LRRTM4: variants seen among roughly 807,000 people sequenced by gnomAD.
LRRTM4 encodes the protein leucine rich repeat transmembrane neuronal 4, also known as leucine-rich repeat transmembrane neuronal protein 4.
A neutral mutation model predicts 47.6 loss-of-function variants in LRRTM4; 25 were observed. The ratio of observed to expected loss-of-function variants is 0.53; its 90% confidence interval spans 0.38 to 0.73. The LOEUF (loss-of-function observed/expected upper bound fraction) is 0.73. Ranked by LOEUF, LRRTM4 falls within the 30% of genes least tolerant of loss-of-function variation. LRRTM4 has a pLI of 0.00. For synonymous variants in LRRTM4, 311 were observed against 269.5 expected, an observed-to-expected ratio of 1.15 and a Z score of -1.51; for missense variants, 638 against 713.4, an observed-to-expected ratio of 0.89 and a Z score of 1.20.
In LRRTM4 at chr2:77,383,778, T is replaced by C. The variant is rs140417389; in HGVS notation, c.1551+134540A>G. On this transcript the variant is annotated intron_variant, in intron 3 of 3. Coordinates refer to ENST00000409884, the MANE Select transcript of LRRTM4 (RefSeq NM_001134745.3). ...TACAGCTAGGATTCTAGCCCAAACTTTCTGATTCTGGAAGCACTGACCAGC... is the reference window on the plus strand; with the variant it reads ...TACAGCTAGGATTCTAGCCCAAACTCTCTGATTCTGGAAGCACTGACCAGC... 6.8e-3 allele frequency among the ~76,000 whole-genome samples: 1,041 copies of C among 152,112 alleles called. 5 individuals carry two copies. Among genetic ancestry groups the C allele is most frequent in the Middle Eastern group, 0.031 (9 of 292 alleles).
intron 3 of LRRTM4, among the ~76,000 whole-genome samples, chr2:77,320,709 C>T (rs929343344): frequency 6.6e-6 from 1 of 151,502 alleles, no homozygotes; most frequent in African/African-American, 2.4e-5. Flanking sequence ...GGTTATTATA[C>T]CTATATGAGT....
chr2:77,307,024 C>T (rs182942724), intron 3 of LRRTM4, among the ~76,000 whole-genome samples: 27,979 of 150,386 alleles, frequency 0.19, 2,836 homozygotes, highest in East Asian at 0.44. Flanking sequence ...CTCAGCCTCC[C>T]GCGTAGCTGG....
At chr2:76,809,192 A>T (rs999200612) in intron 3 of LRRTM4, among the ~76,000 whole-genome samples, 3 of 152,202 alleles carry the variant, frequency 2.0e-5, no homozygotes, top group African/African-American at 7.2e-5. Context: ...TAACATTAAC[A>T]TCCTTTTATC....
At chr2:77,006,937 A>G (rs1028701294) in intron 3 of LRRTM4, among the ~76,000 whole-genome samples, 3 of 152,134 alleles carry the variant, frequency 2.0e-5, no homozygotes, top group Non-Finnish European at 4.4e-5. Context: ...CATTGACACA[A>G]ACATCCTTTG....
chr2:77,495,132 G>A (rs1678311656), intron 3 of LRRTM4, among the ~76,000 whole-genome samples: 1 of 151,982 alleles, frequency 6.6e-6, no homozygotes, highest in Non-Finnish European at 1.5e-5. Context: ...CTTTGTATGG[G>A]CATATGCTTT....
At chr2:77,021,831 CATG>C (rs1160884) in intron 3 of LRRTM4, among the ~76,000 whole-genome samples, 18,834 of 152,164 alleles carry the variant, frequency 0.12, 1,430 homozygotes, top group Admixed American at 0.2. Context: ...AGGTGCACAA[CATG>C]ATGATTTCAT....
At chr2:76,923,467 T>C (rs79955524) in intron 3 of LRRTM4, among the ~76,000 whole-genome samples, 9,247 of 152,032 alleles carry the variant, frequency 0.061, 641 homozygotes, top group African/African-American at 0.16. Context: ...AGACAGGGTG[T>C]TAATACGCTC....
chr2:77,060,789 A>C (rs1310800541), intron 3 of LRRTM4, among the ~76,000 whole-genome samples: 4 of 152,116 alleles, frequency 2.6e-5, no homozygotes, highest in Admixed American at 1.3e-4. Flanking sequence ...CAAAATGAGG[A>C]AAATATGGTT....
intron 3 of LRRTM4, among the ~76,000 whole-genome samples, chr2:76,884,214 C>G (rs1673008412): frequency 1.3e-5 from 2 of 152,194 alleles, no homozygotes; most frequent in South Asian, 4.1e-4. Flanking sequence ...TCACAAAATC[C>G]TATGAAGGAG....
intron 3 of LRRTM4, among the ~76,000 whole-genome samples, chr2:76,833,775 A>G (rs2103904430): frequency 6.6e-6 from 1 of 151,848 alleles, no homozygotes; most frequent in African/African-American, 2.4e-5. Context: ...TAAATTAGTA[A>G]AACTTAAAAT....
chr2:77,518,003 G>C, intron 3 of LRRTM4: 1 of 1,071,060 alleles, frequency 9.3e-7, no homozygotes, highest in Middle Eastern at 4.2e-4. Context: ...AGAATGAAAA[G>C]AGTTTTGTTT....
intron 3 of LRRTM4, among the ~76,000 whole-genome samples, chr2:76,992,670 A>G (rs1259657075): frequency 6.6e-6 from 1 of 151,796 alleles, no homozygotes; most frequent in Non-Finnish European, 1.5e-5. Flanking sequence ...GGATTGGAAG[A>G]ATCAATATCA....
At chr2:77,391,609 G>A (rs1573352641) in intron 3 of LRRTM4, among the ~76,000 whole-genome samples, 1 of 151,822 alleles carries the variant, frequency 6.6e-6, no homozygotes, top group Non-Finnish European at 1.5e-5. Flanking sequence ...GTACATCCAT[G>A]TTCATGGAAA....
At chr2:77,434,377 C>T (rs150097245) in intron 3 of LRRTM4, among the ~76,000 whole-genome samples, 21 of 151,866 alleles carry the variant, frequency 1.4e-4, no homozygotes, top group Admixed American at 4.6e-4. Flanking sequence ...CTTTCATGGG[C>T]CTTGATGTGA....
intron 3 of LRRTM4, among the ~76,000 whole-genome samples, chr2:77,037,634 G>T (rs902320566): frequency 4.4e-4 from 67 of 151,800 alleles, no homozygotes; most frequent in African/African-American, 1.6e-3. Flanking sequence ...CATTAAAAAT[G>T]TAGACTCTAA....
At chr2:77,130,824 ATTTTTTT>A (rs768577274) in intron 3 of LRRTM4, among the ~76,000 whole-genome samples, 12 of 35,630 alleles carry the variant, frequency 3.4e-4, no homozygotes, top group Non-Finnish European at 5.7e-4. Flanking sequence ...TATTTGTTCT[ATTTTTTT>A]TTTTTTTTTT....
At chr2:76,837,958 G>C (rs1405211887) in intron 3 of LRRTM4, among the ~76,000 whole-genome samples, 8 of 151,484 alleles carry the variant, frequency 5.3e-5, no homozygotes, top group African/African-American at 1.5e-4. Context: ...AGGGGGGAGG[G>C]ATAGCATTAG....
At chr2:77,088,798 A>T (rs1680819340) in intron 3 of LRRTM4, among the ~76,000 whole-genome samples, 1 of 152,084 alleles carries the variant, frequency 6.6e-6, no homozygotes, top group Non-Finnish European at 1.5e-5. Flanking sequence ...CCAGCCCAAG[A>T]AACATCTCAC....
chr2:77,090,895 C>G (rs1029906688), intron 3 of LRRTM4, among the ~76,000 whole-genome samples: 3 of 152,126 alleles, frequency 2.0e-5, no homozygotes, highest in Non-Finnish European at 4.4e-5. Context: ...GGACGCCGAG[C>G]TTCAGGTAAC....
Sources: allele counts gnomAD v4.1 joint callset (sites outside exome capture counted in the v4.1 genomes callset), GRCh38; gene constraint gnomAD v4.1.1; transcripts MANE v1.5; gene names NCBI Gene and HGNC (gene_info 2026-07-23, HGNC 2026-07-21).